UTRN: variants seen among roughly 807,000 people sequenced by gnomAD.
The protein encoded by UTRN is dystrophin-related protein 1.
Under a neutral mutation model 463.9 loss-of-function variants are expected in UTRN, and 283 were observed. The observed-to-expected ratio is 0.61, with a 90% CI of 0.55 to 0.67. UTRN has a LOEUF of 0.67. UTRN is among the 30% of genes least tolerant of loss of function. The pLI is 0.00. For missense variants in UTRN, 3,922 were observed against 4,084.3 expected, an observed-to-expected ratio of 0.96 and a Z score of 1.08; for synonymous variants, 1,442 against 1,431.5, an observed-to-expected ratio of 1.01 and a Z score of -0.17.
intron 18 of UTRN, among the ~76,000 whole-genome samples, chr6:144,453,494 A>T (rs1024252548): frequency 3.3e-5 from 5 of 152,170 alleles, no homozygotes; most frequent in Non-Finnish European, 5.9e-5. Context: ...TTTTGACTCA[A>T]ACCATTATTT....
Position 144,459,182 on chromosome 6 carries a change from G to T in UTRN, c.2535G>T (p.Leu845Phe). 6.2e-7 allele frequency: 1 copy of T among 1,610,820 alleles called. No individual in the cohort carries two copies. The highest frequency in any genetic ancestry group is 1.1e-5 in the South Asian group (1 of 90,470). Residue 845 changes from leucine to phenylalanine, a missense_variant, in exon 21 of 75, where the codon TTG (leucine) becomes TTT (phenylalanine). Around this residue, in one of 3 missense-constraint regions of UTRN, gnomAD observed 2,349 missense variants for 2,303.8 expected, o/e 1.02. Coordinates refer to ENST00000367545, the MANE Select transcript of UTRN (RefSeq NM_007124.3). Reference sequence around the variant, plus strand: ...TATTTTCTCTTCCTTAGCGGGAATTGACAAATCTTCTTGGCCTTCACCCCA... The same window carrying T: ...TATTTTCTCTTCCTTAGCGGGAATTTACAAATCTTCTTGGCCTTCACCCCA... ...PSLKDSCQRE[L>F]TNLLGLHPKI...
intron 63 of UTRN, 140 bp downstream of exon 63, chr6:144,794,131 T>C: frequency 8.2e-7 from 1 of 1,212,700 alleles, no homozygotes; most frequent in Non-Finnish European, 1.1e-6. Flanking sequence ...TGTATTTTAT[T>C]TCCTAAGGCT....
chr6:144,554,714 G>A lies in UTRN; in HGVS notation c.6955G>A (p.Gly2319Ser), dbSNP rs115614454. Residue 2319 changes from glycine (G) to serine (S), a missense_variant, in exon 49 of 75, where the codon GGC becomes AGC. Around this residue, in one of 3 missense-constraint regions of UTRN, gnomAD observed 1,309 missense variants for 1,452.6 expected, o/e 0.90. Transcript: ENST00000367545. Reference protein sequence around the residue: ...KLERVKNQWDGTQHGVELRQQ... With the variant: ...KLERVKNQWDSTQHGVELRQQ... ...GGAAAGGGTCAAGAACCAGTGGGAT[G>A]GCACCCAGCATGGCGTTGAGCTAAG... is the stretch of plus-strand genomic sequence containing the variant. 6.2e-7 allele frequency: 1 copy of A among 1,613,930 alleles called. No individual in the cohort carries two copies. The highest frequency in any genetic ancestry group is 8.5e-7 in the Non-Finnish European group (1 of 1,179,948).
intron 34 of UTRN, among the ~76,000 whole-genome samples, chr6:144,503,526 T>C (rs1489442859): frequency 2.0e-5 from 3 of 152,204 alleles, no homozygotes; most frequent in Non-Finnish European, 4.4e-5. Flanking sequence ...CTATTGCTTG[T>C]TTTTGTCAGG....
intron 51 of UTRN, among the ~76,000 whole-genome samples, chr6:144,579,652 C>T (rs898776073): frequency 2.0e-5 from 3 of 152,058 alleles, no homozygotes; most frequent in African/African-American, 7.2e-5. Flanking sequence ...ATAAAAATAT[C>T]TAAGCACAGG....
chr6:144,458,408 C>T (rs758115467), intron 19 of UTRN, among the ~76,000 whole-genome samples: 7 of 152,086 alleles, frequency 4.6e-5, no homozygotes, highest in African/African-American at 1.4e-4. Context: ...TTTCTGAAGT[C>T]GGGCCTAGAC....
chr6:144,821,830 G>A (rs1279651204), intron 66 of UTRN, among the ~76,000 whole-genome samples: 1 of 152,046 alleles, frequency 6.6e-6, no homozygotes, highest in African/African-American at 2.4e-5. Context: ...AAATATTCCT[G>A]CTAAGGCCAT....
chr6:144,732,247 T>C (rs1258773149), intron 54 of UTRN, among the ~76,000 whole-genome samples: 2,554 of 112,560 alleles, frequency 0.023, 70 homozygotes, highest in African/African-American at 0.086. Context: ...TACATATATA[T>C]ATATATATAT....
chr6:144,540,258 G>A (rs1202217727), intron 45 of UTRN, among the ~76,000 whole-genome samples: 3 of 151,542 alleles, frequency 2.0e-5, no homozygotes, highest in African/African-American at 7.3e-5. Context: ...AGTAGATAAA[G>A]TCATAGATAT....
At chr6:144,843,243 G>A (rs981873921) in intron 73 of UTRN, among the ~76,000 whole-genome samples, 2 of 151,968 alleles carry the variant, frequency 1.3e-5, no homozygotes, top group Non-Finnish European at 2.9e-5. Flanking sequence ...AGTTGGCAGT[G>A]ACAGCCAGGA....
At chr6:144,416,803 A>C (rs559834375) in intron 3 of UTRN, among the ~76,000 whole-genome samples, 30 of 152,190 alleles carry the variant, frequency 2.0e-4, no homozygotes, top group Non-Finnish European at 4.4e-4. Flanking sequence ...ATTTATTGGA[A>C]AACTATGGAA....
intron 51 of UTRN, among the ~76,000 whole-genome samples, chr6:144,608,459 A>G (rs1166839147): frequency 1.3e-5 from 2 of 152,228 alleles, no homozygotes; most frequent in Non-Finnish European, 2.9e-5. Flanking sequence ...ATCATCAGGC[A>G]AGAATACCAT....
intron 51 of UTRN, among the ~76,000 whole-genome samples, chr6:144,661,152 C>A (rs1779826109): frequency 6.6e-6 from 1 of 152,150 alleles, no homozygotes; most frequent in South Asian, 2.1e-4. Context: ...ACCGTGAATG[C>A]CCCATGGATC....
intron 52 of UTRN, among the ~76,000 whole-genome samples, chr6:144,698,470 A>T (rs754588530): frequency 1.8e-4 from 27 of 152,236 alleles, no homozygotes; most frequent in Non-Finnish European, 3.4e-4. Flanking sequence ...GCATATGCTG[A>T]TGAAAGGCAG....
At chr6:144,468,780 T>C (rs1790205060) in intron 23 of UTRN, among the ~76,000 whole-genome samples, 1 of 152,144 alleles carries the variant, frequency 6.6e-6, no homozygotes, top group African/African-American at 2.4e-5. Context: ...TTTGTTGTGG[T>C]GGAATTGACT....
chr6:144,396,087 T>C (rs765501368), intron 2 of UTRN, among the ~76,000 whole-genome samples: 13 of 152,186 alleles, frequency 8.5e-5, no homozygotes, highest in Non-Finnish European at 1.5e-4. Context: ...CCAGTGTTCA[T>C]TGTGACATTG....
chr6:144,781,803 A>T (rs1002485555), intron 60 of UTRN, 119 bp from the exon 61 acceptor site: 2 of 684,122 alleles, frequency 2.9e-6, no homozygotes, highest in African/African-American at 3.6e-5. Context: ...AAAAGGATAG[A>T]TTCTTAAATT....
chr6:144,647,869 AC>A (rs963674523), intron 51 of UTRN, among the ~76,000 whole-genome samples: 1 of 152,246 alleles, frequency 6.6e-6, no homozygotes, highest in African/African-American at 2.4e-5. Flanking sequence ...GGTGTCTAGT[AC>A]CTGTGCCACA....
At chr6:144,605,134 G>T (rs1804702070) in intron 51 of UTRN, among the ~76,000 whole-genome samples, 1 of 151,974 alleles carries the variant, frequency 6.6e-6, no homozygotes, top group Admixed American at 6.6e-5. Context: ...GAATGTCTTG[G>T]TCATTACCCC....
Sources: gnomAD v4.1 joint callset for allele counts (sites outside exome capture counted in the v4.1 genomes callset) on GRCh38, gnomAD v4.1.1 for gene constraint, gnomAD v4.1.1 regional missense constraint, MANE v1.5 for transcripts, NCBI Gene and HGNC (gene_info 2026-07-23, HGNC 2026-07-21) for gene names.